The following ADGRA2 variants were observed in gnomAD, a reference collection of about 807,000 sequenced individuals.
ADGRA2 encodes the protein G-protein coupled receptor 124.
Under a neutral mutation model 98.7 loss-of-function variants are expected in ADGRA2, and 61 were observed. The ratio of observed to expected loss-of-function variants is 0.62; its 90% confidence interval spans 0.50 to 0.76. ADGRA2 has a LOEUF of 0.76. Ranked by LOEUF, ADGRA2 falls within the 30% of genes least tolerant of loss-of-function variation. ADGRA2 has a pLI of 0.00. For missense variants in ADGRA2, 1,712 were observed against 1,860.0 expected, an observed-to-expected ratio of 0.92 and a Z score of 1.46; for synonymous variants, 858 against 831.5, an observed-to-expected ratio of 1.03 and a Z score of -0.55.
At position 37,829,834 on chromosome 8, in the gene ADGRA2, C is replaced by T. The variant is rs1453697538; in HGVS notation, c.555-17C>T. On this transcript the variant is annotated splice_polypyrimidine_tract_variant and intron_variant, in intron 5 of 18. Transcript: ENST00000412232. ...CTCCCTCTGCTCTGCTCCGTGACCCCTCTGCCCACCCTGCAGGGACTTGGG... is the reference window on the plus strand; with the variant it reads ...CTCCCTCTGCTCTGCTCCGTGACCCTTCTGCCCACCCTGCAGGGACTTGGG... 1.2e-6 allele frequency: 2 copies of T among 1,604,094 alleles called. No individual in the cohort carries two copies. The highest frequency in any genetic ancestry group is 2.2e-5 in the East Asian group (1 of 44,858).
chr8:37,844,245 A>ACAG lies in ADGRA2; in HGVS notation c.*1891_*1893dup. The ACAG allele has an allele frequency of 1.9e-6, 1 of 517,816 alleles. No homozygotes were observed. The highest frequency in any genetic ancestry group is 3.5e-6 in the Non-Finnish European group (1 of 288,392). 32.1% of individuals were successfully genotyped at this position (517,816 alleles called of 1,614,324 possible). ...ATCCATCTATGAGGAAAGCCATCTC[A>ACAG]CAGAACATGGACATAGGCAACTTGC... is the stretch of plus-strand genomic sequence containing the variant. On this transcript the variant is annotated 3_prime_UTR_variant, in exon 19 of 19. Transcript: ENST00000412232.
intron 2 of ADGRA2, among the ~76,000 whole-genome samples, chr8:37,816,565 C>T (rs1014660373): frequency 6.6e-6 from 1 of 151,312 alleles, no homozygotes; most frequent in South Asian, 2.1e-4. Flanking sequence ...GCACTCCAGC[C>T]TGTGTGACAG....
Position 37,840,827 on chromosome 8 carries a change from A to G in ADGRA2, c.2725A>G (p.Asn909Asp). The G allele has an allele frequency of 6.2e-7, 1 of 1,605,742 alleles. No individual in the cohort carries two copies. Among genetic ancestry groups the G allele is most frequent in the South Asian group, 1.1e-5 (1 of 90,758 alleles). ...CGITAAVNIH[N>D]YRDHSPYCWL... is the part of the protein sequence containing the mutation. ...CATCACAGCTGCAGTCAACATCCAC[A>G]ACTACCGGGACCACAGCCCCTAGTG... Residue 909 changes from asparagine (N) to aspartate (D), a missense_variant, in exon 18 of 19, where the codon AAC becomes GAC. Asn to Asp is a conservative substitution (Grantham distance 23). Transcript: ENST00000412232.
rs971420667 is a variant in ADGRA2 at position 37,834,430 on chromosome 8, A to T, written c.1608+302A>T. On this transcript the variant is annotated intron_variant, in intron 11 of 18. Transcript: ENST00000412232. The surrounding 1 kb of genome is among the most constrained non-coding windows in gnomAD (Gnocchi z 4.2). The stretch of plus-strand genomic sequence containing the variant: ...AGGAAGGCTTGGTGGCAGGGCAGAC[A>T]GCACTCGGGATTGAGTGAAGAGTAA... 6.6e-6 allele frequency among the ~76,000 whole-genome samples: 1 copy of T among 152,228 alleles called. No homozygotes were observed. Among genetic ancestry groups the T allele is most frequent in the African/African-American group, 2.4e-5 (1 of 41,470 alleles).
At position 37,829,507 on chromosome 8, in the gene ADGRA2, T is replaced by C. The variant is rs1805391359; in HGVS notation, c.502T>C (p.Phe168Leu). The C allele has an allele frequency of 6.2e-7, 1 of 1,613,266 alleles. No homozygotes were observed. Among genetic ancestry groups the C allele is most frequent in the Non-Finnish European group, 8.5e-7 (1 of 1,179,352 alleles). ...LLRLNISGNI[F>L]SSLQPGVFDE... ...CTGCAGAAACATATCTGGAAACATC[T>C]TCTCCAGTCTGCAACCTGGGGTCTT... Residue 168 changes from phenylalanine (F) to leucine (L), a missense_variant, in exon 5 of 19, where the codon TTC becomes CTC. Physicochemically the swap from Phe to Leu is conservative, Grantham distance 22. Transcript: ENST00000412232.
intron 1 of ADGRA2, among the ~76,000 whole-genome samples, chr8:37,809,729 A>G (rs1173086479): frequency 1.3e-5 from 2 of 152,158 alleles, no homozygotes; most frequent in African/African-American, 4.8e-5. Flanking sequence ...GGCTAGCCAA[A>G]CCGGAAGCGT....
rs1313776609 is a variant in ADGRA2, at chr8:37,841,051, C to A, written c.2748-35C>A. On this transcript the variant is annotated intron_variant, in intron 18 of 18. Coordinates refer to ENST00000412232, the MANE Select transcript of ADGRA2 (RefSeq NM_032777.10). This position sits in a 1 kb window ranked among gnomAD's most constrained non-coding sequence, Gnocchi z 5.0. ...CCCCCAGCCCCACCCCAGCCATGCC[C>A]CCTGTCCTCATCACTGCTTCTGTGT... 1 of 1,567,220 alleles carries A rather than the reference C, an allele frequency of 6.4e-7. No individual in the cohort carries two copies. Among genetic ancestry groups the A allele is most frequent in the South Asian group, 1.2e-5 (1 of 83,730 alleles).
In ADGRA2 at chr8:37,834,161, C is replaced by T; in HGVS notation, c.1608+33C>T. The T allele has an allele frequency of 6.3e-7, 1 of 1,579,262 alleles. No individual in the cohort carries two copies. Among genetic ancestry groups the T allele is most frequent in the South Asian group, 1.1e-5 (1 of 88,660 alleles). ...GGGTCAGCAGAGGGGGTGGCCCTGG[C>T]ATGCAGAGGAGGGAGGCGCTCCCTC... On this transcript the variant is annotated intron_variant, in intron 11 of 18. Transcript: ENST00000412232. The surrounding 1 kb of genome is among the most constrained non-coding windows in gnomAD (Gnocchi z 4.2).
chr8:37,823,379 T>A (rs1017144029), intron 2 of ADGRA2, among the ~76,000 whole-genome samples: 4 of 151,984 alleles, frequency 2.6e-5, no homozygotes, highest in African/African-American at 9.7e-5. Context: ...TTTTCTTTTT[T>A]GGTAGAGATA....
At chr8:37,819,471 C>T (rs117805707) in intron 2 of ADGRA2, among the ~76,000 whole-genome samples, 4,519 of 152,218 alleles carry the variant, frequency 0.03, 166 homozygotes, top group East Asian at 0.18. Flanking sequence ...GGGTTTTAAG[C>T]GATTCTCCTG....
rs1178133798 is a variant in ADGRA2 at position 37,841,940 on chromosome 8, T to C, written c.3602T>C (p.Leu1201Pro). 6.6e-7 allele frequency: 1 copy of C among 1,515,302 alleles called. No individual in the cohort carries two copies. The highest frequency in any genetic ancestry group is 1.2e-5 in the South Asian group (1 of 81,876). The allele number at this position is 1,515,302 out of a possible 1,614,324, so 93.9% of individuals were successfully genotyped here. ...RAGEACGKNRLKALRGGAAGA... is the reference protein window; with the variant it reads ...RAGEACGKNRPKALRGGAAGA... ...GGGGAGGCCTGCGGCAAGAACCGGC[T>C]CAAGGCCCTGCGCGGGGGCGCGGCG... The change falls in exon 19 of 19, where the codon CTC becomes CCC. Residue 1201 changes from leucine to proline, a missense_variant. Coordinates refer to ENST00000412232, the MANE Select transcript of ADGRA2 (RefSeq NM_032777.10). The surrounding 1 kb of genome is among the most constrained non-coding windows in gnomAD (Gnocchi z 5.0).
chr8:37,832,451 C>G (rs1805486176), intron 8 of ADGRA2, among the ~76,000 whole-genome samples: 1 of 152,138 alleles, frequency 6.6e-6, no homozygotes, highest in Non-Finnish European at 1.5e-5. Flanking sequence ...ATCCTCCCAC[C>G]TCCGCCTCCC....
chr8:37,807,392 A>C (rs1804706816), intron 1 of ADGRA2, among the ~76,000 whole-genome samples: 3 of 152,260 alleles, frequency 2.0e-5, no homozygotes, highest in Admixed American at 6.5e-5. Context: ...CTGTCGTATC[A>C]ACCATACTAA....
intron 2 of ADGRA2, 85 bp from the exon 3 acceptor site, chr8:37,828,803 C>G: frequency 9.6e-7 from 1 of 1,040,378 alleles, no homozygotes; most frequent in Non-Finnish European, 1.4e-6. Flanking sequence ...AGCAACAACA[C>G]CGTGGTGACA....
chr8:37,801,971 C>T (rs926361145), intron 1 of ADGRA2, among the ~76,000 whole-genome samples: 1 of 152,232 alleles, frequency 6.6e-6, no homozygotes, highest in Non-Finnish European at 1.5e-5. Flanking sequence ...ACAGGCAAAC[C>T]CTCAACCTGC....
intron 8 of ADGRA2, among the ~76,000 whole-genome samples, chr8:37,831,886 C>A (rs1198188278): frequency 6.6e-6 from 1 of 152,130 alleles, no homozygotes. Context: ...TGGCAAAACC[C>A]CATCTCTACC....
chr8:37,830,610 G>GCGGCCC lies in ADGRA2; in HGVS notation c.719-99_719-98insGGCCCC. 1.4e-5 allele frequency: 8 copies of GCGGCCC among 579,886 alleles called. No individual in the cohort carries two copies. Among genetic ancestry groups the GCGGCCC allele is most frequent in the East Asian group, 6.4e-5 (2 of 31,242 alleles). The allele number at this position is 579,886 out of a possible 1,614,324, so 35.9% of individuals were successfully genotyped here. A position where few individuals can be genotyped will look rare whatever the true frequency, so the allele number is the denominator to read the frequency against. On this transcript the variant is annotated intron_variant, in intron 6 of 18. Coordinates refer to ENST00000412232, the MANE Select transcript of ADGRA2 (RefSeq NM_032777.10). This position sits in a 1 kb window ranked among gnomAD's most constrained non-coding sequence, Gnocchi z 4.8. ...AGCTGGAGCAGGCTGCAGGCCGAGG[G>GCGGCCC]CCCCGCCCCGCCCCACCCCATCCTG... is the stretch of plus-strand genomic sequence containing the variant.
In ADGRA2 at chr8:37,797,367, C is replaced by T. The variant is rs1804359733; in HGVS notation, c.99C>T (p.Gly33=). ...TGCTCCTGGCGCCCGAGGCTCGGGG[C>T]GCGCCCGGCTGCCCGCTATCCATCC... The part of the protein sequence containing the change: ...LLLLLAPEAR[G]APGCPLSIRS... The change falls in exon 1 of 19, where the codon GGC becomes GGT. Residue 33 remains glycine (G), a synonymous_variant. Coordinates refer to ENST00000412232, the MANE Select transcript of ADGRA2 (RefSeq NM_032777.10). This position sits in a 1 kb window ranked among gnomAD's most constrained non-coding sequence, Gnocchi z 5.3. The T allele has an allele frequency of 2.8e-6, 4 of 1,421,798 alleles. No individual in the cohort carries two copies. Among genetic ancestry groups the T allele is most frequent in the South Asian group, 2.9e-5 (2 of 68,312 alleles). 88.1% of individuals were successfully genotyped at this position (1,421,798 alleles called of 1,614,324 possible).
rs1804525697 is a variant in ADGRA2, at chr8:37,802,092, G to A, written c.266+4558G>A. 6.6e-6 allele frequency among the ~76,000 whole-genome samples: 1 copy of A among 152,214 alleles called. No individual in the cohort carries two copies. The highest frequency in any genetic ancestry group is 2.4e-5 in the African/African-American group (1 of 41,462). ...TAGCACGGGCTGGGTTCTTCTGCTG[G>A]GATTTCAGTGGTCTTTGTAGGGGAA... On this transcript the variant is annotated intron_variant, in intron 1 of 18. Transcript: ENST00000412232. This position sits in a 1 kb window ranked among gnomAD's most constrained non-coding sequence, Gnocchi z 4.7.
Sources: allele counts gnomAD v4.1 joint callset (sites outside exome capture counted in the v4.1 genomes callset), GRCh38; gene constraint gnomAD v4.1.1; non-coding constraint Gnocchi (gnomAD v3.1); transcripts MANE v1.5; gene names NCBI Gene and HGNC (gene_info 2026-07-23, HGNC 2026-07-21).